The following WASF2 variants were observed in gnomAD, a reference collection of about 807,000 sequenced individuals.
WASF2 encodes the protein actin-binding protein WASF2.
A neutral mutation model predicts 45.0 loss-of-function variants in WASF2; 14 were observed. The ratio of observed to expected loss-of-function variants is 0.31; its 90% confidence interval spans 0.21 to 0.49. WASF2 has a LOEUF of 0.49. WASF2 is among the 20% of genes least tolerant of loss of function. The pLI is 0.99. For missense variants in WASF2, 439 were observed against 636.1 expected, an observed-to-expected ratio of 0.69 and a Z score of 3.33; for synonymous variants, 200 against 236.3, an observed-to-expected ratio of 0.85 and a Z score of 1.41.
intron 1 of WASF2, among the ~76,000 whole-genome samples, chr1:27,436,221 G>A (rs972915466): frequency 6.6e-6 from 1 of 152,212 alleles, no homozygotes; most frequent in Non-Finnish European, 1.5e-5. Flanking sequence ...AGCAGCAGGA[G>A]GACTGCTTGA....
intron 1 of WASF2, among the ~76,000 whole-genome samples, chr1:27,430,880 C>A (rs561711157): frequency 6.7e-6 from 1 of 150,236 alleles, no homozygotes; most frequent in Non-Finnish European, 1.5e-5. Flanking sequence ...ATCACCAAAA[C>A]GTTGACTGTG....
chr1:27,472,570 G>GT (rs1424804312), intron 1 of WASF2, among the ~76,000 whole-genome samples: 1 of 147,234 alleles, frequency 6.8e-6, no homozygotes, highest in Non-Finnish European at 1.5e-5. Context: ...GGAGGCAGAG[G>GT]TTGCAGTGAG....
rs1171681173 is a variant in WASF2, at chr1:27,407,690, G to A, written c.*499C>T. 3 of 153,092 alleles carry A rather than the reference G, an allele frequency of 2.0e-5. No homozygotes were observed. The East Asian group carries it at 5.8e-4, about 29-fold the overall frequency. 9.5% of individuals were successfully genotyped at this position (153,092 alleles called of 1,614,324 possible). ...CCCTGCTGATTAGGGCAGAGGGTGA[G>A]GCAGTCTGGCCCTTGGACCCTTCGG... On this transcript the variant is annotated 3_prime_UTR_variant, in exon 9 of 9. Coordinates refer to ENST00000618852, the MANE Select transcript of WASF2 (RefSeq NM_006990.5).
intron 1 of WASF2, among the ~76,000 whole-genome samples, chr1:27,445,621 G>A (rs2017300365): frequency 6.6e-6 from 1 of 152,120 alleles, no homozygotes; most frequent in Non-Finnish European, 1.5e-5. Context: ...ATGCTCAGGG[G>A]CTTCACTTCT....
intron 1 of WASF2, among the ~76,000 whole-genome samples, chr1:27,472,971 C>CAA (rs59391183): frequency 0.21 from 14,459 of 68,002 alleles, 1,401 homozygotes; most frequent in East Asian, 0.47. Context: ...GACCTTGTCT[C>CAA]AAAAAAAAAA....
intron 1 of WASF2, among the ~76,000 whole-genome samples, chr1:27,467,082 T>G (rs979153415): frequency 6.6e-6 from 1 of 150,686 alleles, no homozygotes; most frequent in Non-Finnish European, 1.5e-5. Flanking sequence ...GGGTTGGTGG[T>G]GCACGCCTAT....
chr1:27,415,953 G>A (rs376180324), intron 5 of WASF2, 32 bp downstream of exon 5: 30 of 1,547,104 alleles, frequency 1.9e-5, no homozygotes, highest in Non-Finnish European at 2.6e-5. Context: ...CGTGCCTACT[G>A]ATGTGGAGAA....
chr1:27,436,480 A>G (rs1314865596), intron 1 of WASF2, among the ~76,000 whole-genome samples: 1 of 152,182 alleles, frequency 6.6e-6, no homozygotes, highest in East Asian at 1.9e-4. Flanking sequence ...CAAAAAAGAA[A>G]AAGAATATGC....
intron 1 of WASF2, among the ~76,000 whole-genome samples, chr1:27,467,133 G>T (rs1394387711): frequency 6.7e-6 from 1 of 149,518 alleles, no homozygotes; most frequent in African/African-American, 2.5e-5. Flanking sequence ...AGGGTCACTT[G>T]AGCCTGAGAA....
chr1:27,450,414 C>T (rs1054001930), intron 1 of WASF2, among the ~76,000 whole-genome samples: 1 of 152,142 alleles, frequency 6.6e-6, no homozygotes, highest in Non-Finnish European at 1.5e-5. Flanking sequence ...TCTCCCAAAC[C>T]AGCTTCTTGT....
At chr1:27,478,123 C>G (rs1185313613) in intron 1 of WASF2, among the ~76,000 whole-genome samples, 1 of 146,500 alleles carries the variant, frequency 6.8e-6, no homozygotes, top group Non-Finnish European at 1.5e-5. Flanking sequence ...GGCAGAAGAA[C>G]TGCTTGAACC....
chr1:27,439,560 A>G (rs2017180882), intron 1 of WASF2, among the ~76,000 whole-genome samples: 1 of 152,362 alleles, frequency 6.6e-6, no homozygotes, highest in South Asian at 2.1e-4. Context: ...CCTTGACTCC[A>G]GGAGCTTATA....
Position 27,419,629 on chromosome 1 carries a change from C to T in WASF2, c.131-541G>A, listed in dbSNP as rs929130691. Among the ~76,000 whole-genome samples the T allele has an allele frequency of 1.8e-4, 27 of 152,264 alleles. 1 individual carries two copies. The Middle Eastern group carries it at 0.01, about 58-fold the overall frequency. On this transcript the variant is annotated intron_variant, in intron 2 of 8. Coordinates refer to ENST00000618852, the MANE Select transcript of WASF2 (RefSeq NM_006990.5). Reference sequence around the variant, plus strand: ...GACTCCAAATAAAATAAACACTACACATTTGCCTATAGCCCTTAGCCTCTT... The same window carrying T: ...GACTCCAAATAAAATAAACACTACATATTTGCCTATAGCCCTTAGCCTCTT...
intron 5 of WASF2, 121 bp from the exon 6 acceptor site, chr1:27,415,084 T>C (rs1011223398): frequency 8.1e-7 from 1 of 1,234,294 alleles, no homozygotes; most frequent in Non-Finnish European, 1.1e-6. Context: ...ATACAATAAC[T>C]ACAGAACTTA....
chr1:27,476,927 A>T (rs1325833283), intron 1 of WASF2, among the ~76,000 whole-genome samples: 1 of 152,234 alleles, frequency 6.6e-6, no homozygotes, highest in African/African-American at 2.4e-5. Flanking sequence ...ACAGAAAAAT[A>T]GTTCAAACTA....
At chr1:27,480,525 G>T (rs922265654) in intron 1 of WASF2, among the ~76,000 whole-genome samples, 6 of 150,510 alleles carry the variant, frequency 4.0e-5, no homozygotes, top group East Asian at 3.9e-4. Flanking sequence ...AAAAAAAAAA[G>T]AAAATAAAAA....
At chr1:27,441,040 G>T (rs2017219069) in intron 1 of WASF2, among the ~76,000 whole-genome samples, 1 of 151,684 alleles carries the variant, frequency 6.6e-6, no homozygotes, top group African/African-American at 2.4e-5. Context: ...CTAATTTTTT[G>T]TATTTTTGGT....
intron 1 of WASF2, among the ~76,000 whole-genome samples, chr1:27,479,638 G>A (rs2017819399): frequency 6.6e-6 from 1 of 152,202 alleles, no homozygotes; most frequent in Admixed American, 6.5e-5. Flanking sequence ...GCCAAGGCGG[G>A]TGGATCACCT....
intron 1 of WASF2, among the ~76,000 whole-genome samples, chr1:27,480,062 G>A (rs1476048859): frequency 6.6e-6 from 1 of 152,066 alleles, no homozygotes; most frequent in East Asian, 1.9e-4. Context: ...TGGTATTCAG[G>A]AATACTATTC....
Sources: gnomAD v4.1 joint callset for allele counts (sites outside exome capture counted in the v4.1 genomes callset) on GRCh38, gnomAD v4.1.1 for gene constraint, MANE v1.5 for transcripts, NCBI Gene and HGNC (gene_info 2026-07-23, HGNC 2026-07-21) for gene names.